The following RBFOX3 variants were observed in gnomAD, a reference collection of about 807,000 sequenced individuals.
RBFOX3 encodes RNA binding protein fox-1 homolog 3.
RBFOX3 carries 17 observed loss-of-function variants against 48.7 expected under a neutral mutation model. That is an observed-to-expected ratio of 0.35 (90% CI 0.24 to 0.52). The LOEUF is 0.52. Among genes scored for constraint, RBFOX3 ranks in the 20% least tolerant of loss-of-function variants. The pLI is 0.94. For missense variants in RBFOX3, 382 were observed against 497.5 expected (o/e 0.77, Z 2.21); for synonymous variants, 212 against 209.5 (o/e 1.01, Z -0.10).
chr17:79,187,163 TG>T (rs1367710531), intron 4 of RBFOX3, among the ~76,000 whole-genome samples: 1 of 152,196 alleles, frequency 6.6e-6, no homozygotes. Context: ...TCAGATGACT[TG>T]GGGGAGTATT....
intron 4 of RBFOX3, among the ~76,000 whole-genome samples, chr17:79,119,095 C>G (rs1028709881): frequency 3.3e-5 from 5 of 152,160 alleles, no homozygotes; most frequent in Admixed American, 2.6e-4. Context: ...TGTCATTCAA[C>G]TTGGGGCTGA....
chr17:79,359,733 A>ATT (rs34738864), intron 2 of RBFOX3, among the ~76,000 whole-genome samples: 65 of 148,346 alleles, frequency 4.4e-4, no homozygotes, highest in Middle Eastern at 7.0e-3. Context: ...AATTTGGGTC[A>ATT]TTTTTTTTTT....
rs1480967277 is a variant in RBFOX3 at position 79,198,516 on chromosome 17, T to C, written c.-34+37250A>G. On this transcript the variant is annotated intron_variant, in intron 4 of 14. Transcript: ENST00000693108. The surrounding 1 kb of genome is among the most constrained non-coding windows in gnomAD (Gnocchi z 8.2). Reference sequence around the variant, plus strand: ...GGGACAGATGGGTACAGCTGGAGACTGAGGCTTGGAGAAGTTCACAGACTT... The same window carrying C: ...GGGACAGATGGGTACAGCTGGAGACCGAGGCTTGGAGAAGTTCACAGACTT... Among the ~76,000 whole-genome samples the C allele has an allele frequency of 6.6e-6, 1 of 152,226 alleles. No homozygotes were observed.
chr17:79,253,061 A>G (rs8067167), intron 3 of RBFOX3, among the ~76,000 whole-genome samples: 54,550 of 151,934 alleles, frequency 0.36, 10,282 homozygotes, highest in South Asian at 0.42. Context: ...GGGCAAGAAA[A>G]AGGAACAAGC....
chr17:79,112,904 C>CGGCAGGGGGGGGGGGGG (rs1307784460), intron 5 of RBFOX3, among the ~76,000 whole-genome samples: 1 of 10,364 alleles, frequency 9.6e-5, no homozygotes, highest in Non-Finnish European at 2.0e-4. Context: ...AGCAGGCTCT[C>CGGCAGGGGGGGGGGGGG]GGGGGGGGGG....
rs971215423 is a variant in RBFOX3 at position 79,562,674 on chromosome 17, G to A, written c.-320+48152C>T. ...TGTTGCTGCTGCCGCTTCGGTGTCT[G>A]GGGGCGCCAGAGAAAGTCCATGGAG... On this transcript the variant is annotated intron_variant, in intron 1 of 14. Coordinates refer to ENST00000693108, the MANE Select transcript of RBFOX3 (RefSeq NM_001350451.2). Among the ~76,000 whole-genome samples the A allele has an allele frequency of 3.9e-5, 6 of 152,314 alleles. No individual in the cohort carries two copies. In the East Asian group the frequency reaches 9.7e-4, roughly 25 times the overall value.
chr17:79,527,893 G>T (rs1013896304), intron 1 of RBFOX3, among the ~76,000 whole-genome samples: 1 of 152,164 alleles, frequency 6.6e-6, no homozygotes, highest in African/African-American at 2.4e-5. Flanking sequence ...CAAAGAGGCC[G>T]ATGGAGTCCT....
At chr17:79,287,221 AAGGACCCCCT>A (rs2072142447) in intron 3 of RBFOX3, among the ~76,000 whole-genome samples, 2 of 152,166 alleles carry the variant, frequency 1.3e-5, no homozygotes, top group Non-Finnish European at 2.9e-5. Flanking sequence ...CGCTAAGGCG[AAGGACCCCCT>A]GCCTTACTGC....
chr17:79,454,508 C>T (rs927127691), intron 2 of RBFOX3, among the ~76,000 whole-genome samples: 3 of 152,024 alleles, frequency 2.0e-5, no homozygotes, highest in Non-Finnish European at 2.9e-5. Context: ...GCCCTCCCAG[C>T]ACCCCCAATC....
chr17:79,327,705 C>CT (rs1007181347), intron 2 of RBFOX3, among the ~76,000 whole-genome samples: 14 of 152,048 alleles, frequency 9.2e-5, no homozygotes, highest in Admixed American at 6.6e-4. Context: ...TATTCCTTCT[C>CT]TTTTTTTTGA....
In RBFOX3 at chr17:79,391,376, C is replaced by T. The variant is rs192622193; in HGVS notation, c.-174-83552G>A. On this transcript the variant is annotated intron_variant, in intron 2 of 14. Transcript: ENST00000693108. This position sits in a 1 kb window ranked among gnomAD's most constrained non-coding sequence, Gnocchi z 5.0. The stretch of plus-strand genomic sequence containing the variant: ...ACACCTGGGTTCAAGCTTCAGCTCT[C>T]CTTCCCACGATTGGTGAACACTCGG... Among the ~76,000 whole-genome samples the T allele has an allele frequency of 3.9e-5, 6 of 152,286 alleles. No homozygotes were observed. Among genetic ancestry groups the T allele is most frequent in the African/African-American group, 1.4e-4 (6 of 41,560 alleles).
chr17:79,251,730 C>T (rs768930522), intron 3 of RBFOX3, among the ~76,000 whole-genome samples: 5 of 152,176 alleles, frequency 3.3e-5, no homozygotes, highest in African/African-American at 4.8e-5. Context: ...TGGCAGGTTC[C>T]GCCCCATTGT....
chr17:79,621,485 A>ACGT, the RBFOX3 span, among the ~76,000 whole-genome samples: 1 of 152,188 alleles, frequency 6.6e-6, no homozygotes, highest in Non-Finnish European at 1.5e-5. Context: ...TAGTAAAAGC[A>ACGT]CGTCTCTACC....
At chr17:79,516,094 G>C (rs2085215871) in intron 1 of RBFOX3, 1 of 152,228 alleles carries the variant, frequency 6.6e-6, no homozygotes, top group African/African-American at 2.4e-5. Context: ...GTCCGAGAGA[G>C]AGAGGCAGAG....
At chr17:79,560,106 T>C (rs2144152109) in intron 1 of RBFOX3, among the ~76,000 whole-genome samples, 1 of 151,896 alleles carries the variant, frequency 6.6e-6, no homozygotes, top group South Asian at 2.1e-4. Context: ...CCCCGTTGCA[T>C]CTTCAGCAAC....
At position 79,480,367 on chromosome 17, in the gene RBFOX3, C is replaced by T. The variant is rs35333266; in HGVS notation, c.-175+2087G>A. Among the ~76,000 whole-genome samples, 1,485 of 152,242 alleles carry T rather than the reference C, an allele frequency of 9.8e-3. 9 individuals carry two copies. Among genetic ancestry groups the T allele is most frequent in the Non-Finnish European group, 0.015 (1,010 of 67,996 alleles). The stretch of plus-strand genomic sequence containing the variant: ...AGCCAGTGCTCCCAGGGATAGAGTG[C>T]GACAGTGGGCTCGCTCGTCAGCTGT... On this transcript the variant is annotated intron_variant, in intron 2 of 14. Coordinates refer to ENST00000693108, the MANE Select transcript of RBFOX3 (RefSeq NM_001350451.2). This position sits in a 1 kb window ranked among gnomAD's most constrained non-coding sequence, Gnocchi z 4.8.
Position 79,097,684 on chromosome 17 carries a change from G to A in RBFOX3, c.622+8C>T. The A allele has an allele frequency of 2.8e-6, 4 of 1,412,726 alleles. No homozygotes were observed. In the East Asian group the frequency reaches 9.6e-5, roughly 34 times the overall value. 87.5% of individuals were successfully genotyped at this position (1,412,726 alleles called of 1,614,324 possible). On this transcript the variant is annotated splice_region_variant and intron_variant, in intron 10 of 14. Coordinates refer to ENST00000693108, the MANE Select transcript of RBFOX3 (RefSeq NM_001350451.2). ...CTCATCCCATCCCCGCCCCGCCCCA[G>A]CTTTTACCTGCATAGAATTCAGGCC... is the stretch of plus-strand genomic sequence containing the variant.
rs1441370060 is a variant in RBFOX3, at chr17:79,242,348, G to T, written c.-73-6543C>A. On this transcript the variant is annotated intron_variant, in intron 3 of 14. Coordinates refer to ENST00000693108, the MANE Select transcript of RBFOX3 (RefSeq NM_001350451.2). The surrounding 1 kb of genome is among the most constrained non-coding windows in gnomAD (Gnocchi z 5.8). ...CGATCTGTTTGTGCTCTTTCCCTAA[G>T]GGGAGCTGGAGGTGAAGGGTGCAAT... Among the ~76,000 whole-genome samples the T allele has an allele frequency of 6.6e-6, 1 of 152,128 alleles. No homozygotes were observed. The highest frequency in any genetic ancestry group is 1.5e-5 in the Non-Finnish European group (1 of 68,026).
At chr17:79,176,861 T>A (rs16972080) in intron 4 of RBFOX3, among the ~76,000 whole-genome samples, 4,946 of 152,222 alleles carry the variant, frequency 0.032, 260 homozygotes, top group African/African-American at 0.11. Flanking sequence ...GGGCCACAGC[T>A]GATCATAAAG....
Sources: gnomAD v4.1 joint callset for allele counts (sites outside exome capture counted in the v4.1 genomes callset) on GRCh38, gnomAD v4.1.1 for gene constraint, Gnocchi (gnomAD v3.1) non-coding constraint, MANE v1.5 for transcripts, NCBI Gene and HGNC (gene_info 2026-07-23, HGNC 2026-07-21) for gene names.